Variants in FSTL4 observed in about 807,000 individuals in gnomAD.
The protein encoded by FSTL4 is follistatin-related protein 4.
FSTL4 carries 28 observed loss-of-function variants against 78.2 expected under a neutral mutation model. That is an observed-to-expected ratio of 0.36 (90% CI 0.27 to 0.49). The LOEUF (loss-of-function observed/expected upper bound fraction) is 0.49, where lower values mean the gene tolerates loss of function less well. Among genes scored for constraint, FSTL4 ranks in the 20% least tolerant of loss-of-function variants. The pLI is 0.98. For missense variants in FSTL4, 922 were observed against 1,084.9 expected (o/e 0.85, Z 2.11); for synonymous variants, 422 against 440.5 (o/e 0.96, Z 0.53).
At chr5:133,560,268 A>G (rs1036996450) in intron 3 of FSTL4, among the ~76,000 whole-genome samples, 1 of 152,208 alleles carries the variant, frequency 6.6e-6, no homozygotes, top group Non-Finnish European at 1.5e-5. Context: ...GCTGCCTCCA[A>G]TCCCTGGAGA....
intron 14 of FSTL4, among the ~76,000 whole-genome samples, chr5:133,209,343 G>A (rs1481686738): frequency 6.6e-6 from 1 of 152,042 alleles, no homozygotes; most frequent in Non-Finnish European, 1.5e-5. Context: ...GGTTCCAGAG[G>A]GTTCTACAGG....
chr5:133,796,767 C>A, the FSTL4 span, among the ~76,000 whole-genome samples: 1 of 152,064 alleles, frequency 6.6e-6, no homozygotes, highest in Non-Finnish European at 1.5e-5. Flanking sequence ...GTGGGCCAAA[C>A]GGCAACTTTT....
intron 6 of FSTL4, among the ~76,000 whole-genome samples, chr5:133,306,421 G>A (rs1581606891): frequency 1.3e-5 from 2 of 152,352 alleles, no homozygotes; most frequent in Middle Eastern, 3.4e-3. Context: ...CGGCCCTCTG[G>A]TCAGGATGAG....
the FSTL4 span, among the ~76,000 whole-genome samples, chr5:133,748,296 G>A: frequency 6.6e-6 from 1 of 152,064 alleles, no homozygotes; most frequent in Non-Finnish European, 1.5e-5. Flanking sequence ...GAGGCCAGGT[G>A]TGGTGGCTCA....
intron 3 of FSTL4, among the ~76,000 whole-genome samples, chr5:133,526,076 T>C (rs1759092193): frequency 6.6e-6 from 1 of 152,208 alleles, no homozygotes; most frequent in Admixed American, 6.5e-5. Flanking sequence ...AAAGCACGAC[T>C]TTAACAGATG....
chr5:133,545,829 G>A (rs1759562740), intron 3 of FSTL4, among the ~76,000 whole-genome samples: 2 of 152,294 alleles, frequency 1.3e-5, no homozygotes, highest in Non-Finnish European at 2.9e-5. Context: ...GGATAGTCTA[G>A]AACTTCTCAG....
intron 3 of FSTL4, among the ~76,000 whole-genome samples, chr5:133,442,701 T>A (rs889860233): frequency 3.9e-5 from 6 of 152,114 alleles, no homozygotes; most frequent in Non-Finnish European, 7.4e-5. Context: ...ACCCCCTGGG[T>A]CACAGAACCC....
chr5:133,839,224 C>G, the FSTL4 span, among the ~76,000 whole-genome samples: 1 of 152,208 alleles, frequency 6.6e-6, no homozygotes, highest in South Asian at 2.1e-4. Context: ...CCTGCTGCCC[C>G]ACTCAGACTC....
intron 2 of FSTL4, among the ~76,000 whole-genome samples, chr5:133,590,087 TCTC>T (rs1561479071): frequency 6.9e-6 from 1 of 144,774 alleles, no homozygotes; most frequent in Non-Finnish European, 1.5e-5. Flanking sequence ...CTATTGGGAA[TCTC>T]CTCTTTATTT....
chr5:133,531,617 A>G (rs1047308401), intron 3 of FSTL4, among the ~76,000 whole-genome samples: 1 of 152,206 alleles, frequency 6.6e-6, no homozygotes, highest in Non-Finnish European at 1.5e-5. Context: ...AAATTGTTTC[A>G]TTTGCTAAGA....
At chr5:133,591,872 C>T (rs1760635287) in intron 2 of FSTL4, among the ~76,000 whole-genome samples, 1 of 152,132 alleles carries the variant, frequency 6.6e-6, no homozygotes, top group Admixed American at 6.5e-5. Context: ...CTGCCATTGG[C>T]TTTGGGAGAA....
chr5:133,633,771 C>T, the FSTL4 span, among the ~76,000 whole-genome samples: 3 of 152,066 alleles, frequency 2.0e-5, no homozygotes, highest in Admixed American at 1.3e-4. Context: ...TGACATCACT[C>T]TAGTAGGAGA....
chr5:133,386,746 G>C (rs189397320), intron 4 of FSTL4, among the ~76,000 whole-genome samples: 1 of 152,186 alleles, frequency 6.6e-6, no homozygotes, highest in Admixed American at 6.5e-5. Flanking sequence ...TGGAGAGACA[G>C]AAAGGTGTGA....
chr5:133,506,653 G>C (rs902508343), intron 3 of FSTL4, among the ~76,000 whole-genome samples: 1 of 152,200 alleles, frequency 6.6e-6, no homozygotes, highest in Non-Finnish European at 1.5e-5. Flanking sequence ...ATTGTTATGA[G>C]AGCAGATGTG....
At chr5:133,363,650 C>T (rs1358004622) in intron 4 of FSTL4, among the ~76,000 whole-genome samples, 1 of 152,152 alleles carries the variant, frequency 6.6e-6, no homozygotes, top group Non-Finnish European at 1.5e-5. Flanking sequence ...AACAAGGCTG[C>T]TCCTGAACCT....
At chr5:133,367,126 G>T (rs1755197390) in intron 4 of FSTL4, among the ~76,000 whole-genome samples, 1 of 152,258 alleles carries the variant, frequency 6.6e-6, no homozygotes, top group African/African-American at 2.4e-5. Context: ...TCCTGGAAGA[G>T]CTCAGCTGGG....
the FSTL4 span, among the ~76,000 whole-genome samples, chr5:133,767,396 G>A: frequency 6.6e-6 from 1 of 152,196 alleles, no homozygotes; most frequent in African/African-American, 2.4e-5. Context: ...CTGGAAGGTG[G>A]AGGGTGGGCC....
intron 13 of FSTL4, among the ~76,000 whole-genome samples, chr5:133,212,017 G>C (rs1027161401): frequency 1.3e-5 from 2 of 152,170 alleles, no homozygotes; most frequent in African/African-American, 4.8e-5. Flanking sequence ...CTTAAGTAGA[G>C]GCTGCTTTTT....
In FSTL4 at chr5:133,440,629, C is replaced by G. The variant is rs1757136253; in HGVS notation, c.161-39643G>C. On this transcript the variant is annotated intron_variant, in intron 3 of 15. Transcript: ENST00000265342. This position sits in a 1 kb window ranked among gnomAD's most constrained non-coding sequence, Gnocchi z 4.1. ...GAGCTGGGTCACCTCCCTGGAGGCACAGGGTAGTGGCCTGAGTCATTCCAC... is the reference window on the plus strand; with the variant it reads ...GAGCTGGGTCACCTCCCTGGAGGCAGAGGGTAGTGGCCTGAGTCATTCCAC... Among the ~76,000 whole-genome samples, 1 of 152,176 alleles carries G rather than the reference C, an allele frequency of 6.6e-6. No individual in the cohort carries two copies. The highest frequency in any genetic ancestry group is 6.5e-5 in the Admixed American group (1 of 15,286).
Sources: gnomAD v4.1 joint callset for allele counts (sites outside exome capture counted in the v4.1 genomes callset) on GRCh38, gnomAD v4.1.1 for gene constraint, Gnocchi (gnomAD v3.1) non-coding constraint, MANE v1.5 for transcripts, NCBI Gene and HGNC (gene_info 2026-07-23, HGNC 2026-07-21) for gene names.